Variants in CHST8 observed in about 807,000 individuals in gnomAD.
CHST8 encodes GALNAC-4-ST1.
Under a neutral mutation model 15.0 loss-of-function variants are expected in CHST8, and 10 were observed. The ratio of observed to expected loss-of-function variants is 0.67; its 90% confidence interval spans 0.41 to 1.13. The LOEUF is 1.13. Ranked by LOEUF, CHST8 falls within the 50% of genes most tolerant of loss-of-function variation. The probability of loss-of-function intolerance (pLI) is 0.00; values close to 1 mark genes in which losing one functional copy is unlikely to be tolerated. For synonymous variants in CHST8, 259 were observed against 256.6 expected (o/e 1.01, Z -0.09); for missense variants, 634 against 608.2 (o/e 1.04, Z -0.45).
At chr19:33,672,274 A>G (rs1047256580) in intron 2 of CHST8, among the ~76,000 whole-genome samples, 3 of 151,946 alleles carry the variant, frequency 2.0e-5, no homozygotes, top group Admixed American at 6.6e-5. Context: ...CTCAGCTCAC[A>G]GCAACCTCTG....
intron 1 of CHST8, among the ~76,000 whole-genome samples, chr19:33,650,495 CTTTTTCTTTTTCT>C (rs1972424534): frequency 4.5e-5 from 2 of 44,102 alleles, no homozygotes; most frequent in African/African-American, 1.8e-4. Context: ...TTTTTCTTTT[CTTTTTCTTTTTCT>C]TTTTCTTTTC....
chr19:33,736,570 G>A (rs962958157), intron 3 of CHST8, among the ~76,000 whole-genome samples: 3 of 152,122 alleles, frequency 2.0e-5, no homozygotes, highest in Admixed American at 1.3e-4. Context: ...GCCAACGGGG[G>A]TGACTACTTA....
At chr19:33,740,351 T>C (rs1599606030) in intron 3 of CHST8, among the ~76,000 whole-genome samples, 1 of 152,320 alleles carries the variant, frequency 6.6e-6, no homozygotes, top group East Asian at 1.9e-4. Context: ...GGAAACCACA[T>C]GCCATACTAA....
chr19:33,682,743 T>C (rs1972911512), intron 2 of CHST8, among the ~76,000 whole-genome samples: 1 of 152,274 alleles, frequency 6.6e-6, no homozygotes, highest in Non-Finnish European at 1.5e-5. Context: ...ATTGACTTTT[T>C]GATTGACACA....
At chr19:33,669,970 A>G (rs1027646225) in intron 2 of CHST8, among the ~76,000 whole-genome samples, 13 of 152,210 alleles carry the variant, frequency 8.5e-5, no homozygotes, top group African/African-American at 2.9e-4. Flanking sequence ...AAATAATATT[A>G]AACTTCCATT....
At chr19:33,667,232 A>G (rs1316926223) in intron 1 of CHST8, among the ~76,000 whole-genome samples, 1 of 152,190 alleles carries the variant, frequency 6.6e-6, no homozygotes, top group Non-Finnish European at 1.5e-5. Flanking sequence ...TGTTGCCCAG[A>G]GACCCTTTCC....
At chr19:33,654,355 T>G (rs1450100604) in intron 1 of CHST8, among the ~76,000 whole-genome samples, 1 of 152,152 alleles carries the variant, frequency 6.6e-6, no homozygotes, top group Admixed American at 6.5e-5. Context: ...TCTGCTTGTT[T>G]ATCAGCTTGT....
chr19:33,741,277 A>C (rs578255249), intron 3 of CHST8, among the ~76,000 whole-genome samples: 245 of 152,260 alleles, frequency 1.6e-3, no homozygotes, highest in Non-Finnish European at 2.7e-3. Flanking sequence ...GTTTTATTCC[A>C]GCCTGTTGTA....
At chr19:33,765,053 C>CAGATATATATATATATATATATATATAT (rs1974805201) in intron 3 of CHST8, among the ~76,000 whole-genome samples, 1 of 87,688 alleles carries the variant, frequency 1.1e-5, no homozygotes, top group African/African-American at 6.0e-5. Flanking sequence ...ACTATTCCAT[C>CAGATATATATATATATATATATATATAT]ATATATATAT....
intron 1 of CHST8, among the ~76,000 whole-genome samples, chr19:33,637,938 T>A (rs1289095438): frequency 6.7e-6 from 1 of 148,478 alleles, no homozygotes; most frequent in Non-Finnish European, 1.5e-5. Context: ...GGCTCAAACA[T>A]CCCCTTCCTA....
chr19:33,746,427 A>G (rs183920311), intron 3 of CHST8, among the ~76,000 whole-genome samples: 92 of 152,276 alleles, frequency 6.0e-4, no homozygotes, highest in Middle Eastern at 6.8e-3. Context: ...AGAATTTTAC[A>G]TAAGTGAGAT....
intron 2 of CHST8, among the ~76,000 whole-genome samples, chr19:33,678,602 C>A (rs1972841197): frequency 6.6e-6 from 1 of 152,084 alleles, no homozygotes; most frequent in Non-Finnish European, 1.5e-5. Context: ...TTTAACCAGG[C>A]ACTGTTAAAT....
intron 2 of CHST8, among the ~76,000 whole-genome samples, chr19:33,678,178 G>A (rs887098469): frequency 2.0e-5 from 3 of 152,210 alleles, no homozygotes; most frequent in Non-Finnish European, 4.4e-5. Context: ...TGGGGTGGAG[G>A]AGACTTGGAA....
At chr19:33,746,997 C>A (rs182347655) in intron 3 of CHST8, among the ~76,000 whole-genome samples, 1 of 152,136 alleles carries the variant, frequency 6.6e-6, no homozygotes, top group African/African-American at 2.4e-5. Context: ...GCATGTCAAA[C>A]GGACTATATA....
intron 2 of CHST8, among the ~76,000 whole-genome samples, chr19:33,683,965 C>T (rs975468837): frequency 1.3e-5 from 2 of 152,302 alleles, no homozygotes; most frequent in African/African-American, 2.4e-5. Flanking sequence ...CCTGCCCTGC[C>T]CCACTGGCAT....
chr19:33,662,863 T>C (rs1378084043), intron 1 of CHST8, among the ~76,000 whole-genome samples: 2 of 152,214 alleles, frequency 1.3e-5, no homozygotes, highest in Non-Finnish European at 2.9e-5. Flanking sequence ...ATCTGTTTTA[T>C]ATTTGCAAGG....
intron 1 of CHST8, among the ~76,000 whole-genome samples, chr19:33,666,576 G>A (rs1972664161): frequency 6.6e-6 from 1 of 152,230 alleles, no homozygotes. Flanking sequence ...GGAAGAGGGT[G>A]CCGGGAGAGG....
Position 33,678,620 on chromosome 19 carries a change from T to C in CHST8, c.-86-10556T>C, listed in dbSNP as rs1297140795. 2.6e-5 allele frequency among the ~76,000 whole-genome samples: 4 copies of C among 152,010 alleles called. No homozygotes were observed. The East Asian group carries it at 7.7e-4, about 29-fold the overall frequency. ...AACCAGGCACTGTTAAATTGAGTAG[T>C]CCCAGCTACTCAAGAGTCTGAGGTG... On this transcript the variant is annotated intron_variant, in intron 2 of 4. Coordinates refer to ENST00000650847, the MANE Select transcript of CHST8 (RefSeq NM_001127895.2).
intron 2 of CHST8, among the ~76,000 whole-genome samples, chr19:33,673,184 C>T (rs73031375): frequency 0.045 from 6,903 of 152,270 alleles, 394 homozygotes; most frequent in Admixed American, 0.17. Context: ...GTCCCCGTGC[C>T]CGCCAAGCAG....
Sources: allele counts gnomAD v4.1 joint callset (sites outside exome capture counted in the v4.1 genomes callset), GRCh38; gene constraint gnomAD v4.1.1; transcripts MANE v1.5; gene names NCBI Gene and HGNC (gene_info 2026-07-23, HGNC 2026-07-21).